GNAQ: variants seen among roughly 807,000 people sequenced by gnomAD.
The protein encoded by GNAQ is guanine nucleotide-binding protein G(q) subunit alpha.
In GNAQ, 8 loss-of-function variants were observed where a neutral mutation model predicts 43.9. The ratio of observed to expected loss-of-function variants is 0.18; its 90% CI spans 0.11 to 0.33. The LOEUF (loss-of-function observed/expected upper bound fraction) is 0.33. Ranked by LOEUF, GNAQ falls within the 10% of genes least tolerant of loss-of-function variation. The probability of loss-of-function intolerance (pLI) is 1.00; values close to 1 mark genes in which losing one functional copy is unlikely to be tolerated. For synonymous variants in GNAQ, 155 were observed against 170.7 expected (o/e 0.91, Z 0.71); for missense variants, 158 against 450.8 (o/e 0.35, Z 5.88).
intron 1 of GNAQ, among the ~76,000 whole-genome samples, chr9:78,019,985 A>G (rs942883902): frequency 7.2e-5 from 11 of 152,204 alleles, no homozygotes; most frequent in African/African-American, 2.6e-4. Flanking sequence ...TCCTAGGGAA[A>G]AAGTCTGCTC....
At chr9:77,840,628 C>T (rs1211327039) in intron 2 of GNAQ, among the ~76,000 whole-genome samples, 2 of 152,110 alleles carry the variant, frequency 1.3e-5, no homozygotes, top group South Asian at 2.1e-4. Flanking sequence ...TGAGCCACTG[C>T]ACCTGGCTGC....
intron 1 of GNAQ, among the ~76,000 whole-genome samples, chr9:77,971,100 G>C (rs1823231659): frequency 6.6e-6 from 1 of 152,102 alleles, no homozygotes; most frequent in Non-Finnish European, 1.5e-5. Flanking sequence ...TCCCTGAATA[G>C]ACCAATAACA....
intron 1 of GNAQ, among the ~76,000 whole-genome samples, chr9:77,967,397 T>TG (rs1277084739): frequency 6.6e-6 from 1 of 152,196 alleles, no homozygotes; most frequent in Non-Finnish European, 1.5e-5. Context: ...GTTCTGCTCT[T>TG]GTTGGTAGAT....
At chr9:77,840,372 CGG>C (rs1358431375) in intron 2 of GNAQ, among the ~76,000 whole-genome samples, 1 of 137,892 alleles carries the variant, frequency 7.3e-6, no homozygotes, top group African/African-American at 2.8e-5. Flanking sequence ...TTTTTTTAGA[CGG>C]AGTCGGAGTC....
chr9:77,927,751 G>A (rs1441210608), intron 1 of GNAQ, among the ~76,000 whole-genome samples: 1 of 152,018 alleles, frequency 6.6e-6, no homozygotes, highest in Non-Finnish European at 1.5e-5. Flanking sequence ...CACTGCCAGG[G>A]CCTTTCATGA....
rs1342945476 is a variant in GNAQ, at chr9:77,720,949, G to A, written c.*374C>T. 10 of 243,058 alleles carry A rather than the reference G, an allele frequency of 4.1e-5. No homozygotes were observed. The highest frequency in any genetic ancestry group is 2.4e-4 in the East Asian group (4 of 16,746). The allele number at this position is 243,058 out of a possible 1,614,324, so 15.1% of individuals were successfully genotyped here. ...CATCAGGAGGGAGGTATGAATTAGC[G>A]GGGGAAGAAAAAAGGGAAATCAGCT... is the stretch of plus-strand genomic sequence containing the variant. On this transcript the variant is annotated 3_prime_UTR_variant, in exon 7 of 7. Coordinates refer to ENST00000286548, the MANE Select transcript of GNAQ (RefSeq NM_002072.5).
chr9:78,003,936 A>G (rs983414849), intron 1 of GNAQ, among the ~76,000 whole-genome samples: 1 of 152,222 alleles, frequency 6.6e-6, no homozygotes, highest in Non-Finnish European at 1.5e-5. Flanking sequence ...AAAAAAGCAT[A>G]ATATGCACTA....
chr9:77,917,877 T>C (rs111507950), intron 2 of GNAQ, among the ~76,000 whole-genome samples: 1 of 152,178 alleles, frequency 6.6e-6, no homozygotes, highest in Non-Finnish European at 1.5e-5. Flanking sequence ...GGACAACAGA[T>C]ACACACTCGG....
chr9:77,944,379 T>C (rs1829358035), intron 1 of GNAQ, among the ~76,000 whole-genome samples: 1 of 151,372 alleles, frequency 6.6e-6, no homozygotes, highest in South Asian at 2.1e-4. Context: ...GTATACAAGA[T>C]GCAGGTTGTC....
chr9:77,957,840 C>T (rs548115716), intron 1 of GNAQ, among the ~76,000 whole-genome samples: 11 of 152,248 alleles, frequency 7.2e-5, no homozygotes, highest in Admixed American at 4.6e-4. Flanking sequence ...TGTTTAGGCA[C>T]GTGCTTGTCG....
intron 5 of GNAQ, among the ~76,000 whole-genome samples, chr9:77,741,636 C>T (rs1825655998): frequency 5.3e-5 from 8 of 152,158 alleles, no homozygotes. Context: ...CCAGATGTTG[C>T]ACACATGTAA....
intron 2 of GNAQ, among the ~76,000 whole-genome samples, chr9:77,912,322 AATGAATT>A (rs1340925780): frequency 1.3e-5 from 2 of 152,232 alleles, no homozygotes; most frequent in Admixed American, 6.5e-5. Flanking sequence ...CATTTCAATA[AATGAATT>A]GGGTTAATTA....
intron 2 of GNAQ, among the ~76,000 whole-genome samples, chr9:77,905,165 G>GAAC (rs1828684111): frequency 6.6e-6 from 1 of 152,154 alleles, no homozygotes; most frequent in Non-Finnish European, 1.5e-5. Flanking sequence ...ATTGAATGTG[G>GAAC]AACTTGGAAC....
chr9:77,736,853 G>A (rs954291411), intron 5 of GNAQ, among the ~76,000 whole-genome samples: 6 of 152,148 alleles, frequency 3.9e-5, no homozygotes. Flanking sequence ...TAACAGAGAT[G>A]AACGGATTAA....
intron 1 of GNAQ, among the ~76,000 whole-genome samples, chr9:77,997,581 G>A (rs1038733025): frequency 3.9e-5 from 6 of 152,204 alleles, no homozygotes; most frequent in Admixed American, 2.0e-4. Context: ...TGATCAGAAC[G>A]GGATCCCCTT....
At chr9:77,786,504 T>C (rs370695956) in intron 5 of GNAQ, among the ~76,000 whole-genome samples, 1 of 152,244 alleles carries the variant, frequency 6.6e-6, no homozygotes, top group East Asian at 1.9e-4. Flanking sequence ...GGGTCAATTT[T>C]CCCACGGAGA....
At chr9:77,888,932 A>G (rs986290201) in intron 2 of GNAQ, among the ~76,000 whole-genome samples, 9 of 152,166 alleles carry the variant, frequency 5.9e-5, no homozygotes, top group African/African-American at 1.2e-4. Flanking sequence ...TTAGAATCAA[A>G]TTAGAAAATC....
intron 1 of GNAQ, among the ~76,000 whole-genome samples, chr9:78,026,933 C>T (rs1419293966): frequency 6.6e-6 from 1 of 152,202 alleles, no homozygotes; most frequent in Non-Finnish European, 1.5e-5. Context: ...ATTTAGTCAT[C>T]ACCTGTGCTC....
At chr9:77,949,247 GAT>G (rs1822945047) in intron 1 of GNAQ, among the ~76,000 whole-genome samples, 1 of 152,180 alleles carries the variant, frequency 6.6e-6, no homozygotes, top group Admixed American at 6.5e-5. Context: ...TAGAAGCAAA[GAT>G]AGCTCAGCCC....
Sources: gnomAD v4.1 joint callset for allele counts (sites outside exome capture counted in the v4.1 genomes callset) on GRCh38, gnomAD v4.1.1 for gene constraint, MANE v1.5 for transcripts, NCBI Gene and HGNC (gene_info 2026-07-23, HGNC 2026-07-21) for gene names.